Variants in MSH3 observed in about 807,000 individuals in gnomAD.
MSH3 encodes the protein mutS homolog 3.
Under a neutral mutation model 123.3 loss-of-function variants are expected in MSH3, and 106 were observed. The observed-to-expected ratio is 0.86, with a 90% CI of 0.73 to 1.01. The LOEUF is 1.01. Among genes scored for constraint, MSH3 ranks in the 50% least tolerant of loss-of-function variants. The pLI is 0.00. For synonymous variants in MSH3, 515 were observed against 481.4 expected (o/e 1.07, Z -0.91); for missense variants, 1,459 against 1,347.6 (o/e 1.08, Z -1.29).
intron 8 of MSH3, among the ~76,000 whole-genome samples, chr5:80,694,677 A>T (rs1750429360): frequency 6.6e-6 from 1 of 151,448 alleles, no homozygotes; most frequent in Admixed American, 6.6e-5. Flanking sequence ...AGAGTCTGTT[A>T]GTTTTTCATC....
chr5:80,854,347 AAATT>A, intron 21 of MSH3, 31 bp downstream of exon 21: 1 of 1,575,362 alleles, frequency 6.3e-7, no homozygotes, highest in Non-Finnish European at 8.7e-7. Context: ...ATTTAAAAAG[AAATT>A]AATTTGTAAA....
intron 19 of MSH3, among the ~76,000 whole-genome samples, chr5:80,804,490 G>A (rs1744848594): frequency 6.6e-6 from 1 of 152,222 alleles, no homozygotes; most frequent in Non-Finnish European, 1.5e-5. Context: ...CTGCATTAGG[G>A]GGCACCCCAA....
intron 16 of MSH3, among the ~76,000 whole-genome samples, chr5:80,776,037 A>G (rs1744293247): frequency 6.6e-6 from 1 of 151,842 alleles, no homozygotes; most frequent in Non-Finnish European, 1.5e-5. Context: ...CCACAGGAGT[A>G]CACTACAACC....
chr5:80,860,093 T>C (rs753135867), intron 21 of MSH3, among the ~76,000 whole-genome samples: 3 of 131,722 alleles, frequency 2.3e-5, no homozygotes, highest in African/African-American at 8.7e-5. Context: ...ATTTCACTTA[T>C]ACTTAAGTGT....
intron 18 of MSH3, among the ~76,000 whole-genome samples, chr5:80,792,404 C>G (rs1441269357): frequency 6.7e-6 from 1 of 149,938 alleles, no homozygotes; most frequent in African/African-American, 2.5e-5. Flanking sequence ...CACTGAGACC[C>G]TATCTCTTAA....
intron 8 of MSH3, among the ~76,000 whole-genome samples, chr5:80,693,485 A>G (rs1375777706): frequency 1.3e-5 from 2 of 148,716 alleles, no homozygotes; most frequent in Non-Finnish European, 3.0e-5. Context: ...GTTTATATAA[A>G]TATGCACATG....
At chr5:80,786,118 T>G (rs987838167) in intron 17 of MSH3, among the ~76,000 whole-genome samples, 1 of 152,046 alleles carries the variant, frequency 6.6e-6, no homozygotes, top group Admixed American at 6.6e-5. Context: ...ATTGTGCACA[T>G]GTACCCTAAA....
chr5:80,734,257 T>G (rs1257923706), intron 10 of MSH3, among the ~76,000 whole-genome samples: 1 of 152,178 alleles, frequency 6.6e-6, no homozygotes, highest in Non-Finnish European at 1.5e-5. Context: ...GGCAAATCCA[T>G]AGAGAGAAAG....
chr5:80,819,481 ATT>A (rs1268091436), intron 20 of MSH3, among the ~76,000 whole-genome samples: 2 of 118,244 alleles, frequency 1.7e-5, no homozygotes, highest in African/African-American at 2.9e-5. Context: ...TATATATATA[ATT>A]TTTTTTTTTT....
At chr5:80,825,554 G>A (rs1745278426) in intron 20 of MSH3, among the ~76,000 whole-genome samples, 1 of 147,394 alleles carries the variant, frequency 6.8e-6, no homozygotes, top group Admixed American at 6.9e-5. Context: ...TTTGTGACTT[G>A]TCTCATACTC....
chr5:80,763,802 T>G (rs1580029920), intron 13 of MSH3, among the ~76,000 whole-genome samples: 1 of 152,240 alleles, frequency 6.6e-6, no homozygotes, highest in East Asian at 1.9e-4. Context: ...ACAGGGTTTG[T>G]GTATTTATAA....
intron 20 of MSH3, among the ~76,000 whole-genome samples, chr5:80,852,731 G>C (rs147459220): frequency 1.8e-4 from 28 of 152,296 alleles, no homozygotes; most frequent in African/African-American, 6.3e-4. Context: ...CTAAGGCTCT[G>C]CCCATGTGTT....
At chr5:80,867,813 G>A (rs921528361) in intron 22 of MSH3, among the ~76,000 whole-genome samples, 8 of 152,054 alleles carry the variant, frequency 5.3e-5, no homozygotes, top group African/African-American at 1.7e-4. Context: ...TATAGATGGT[G>A]GATATTAGAC....
intron 19 of MSH3, 50 bp downstream of exon 19, chr5:80,792,894 T>C (rs757111459): frequency 1.7e-5 from 20 of 1,180,056 alleles, no homozygotes; most frequent in Middle Eastern, 2.0e-4. Flanking sequence ...CCCAAACTTT[T>C]ACATACCAAA....
At chr5:80,731,455 G>A (rs1002328833) in intron 10 of MSH3, among the ~76,000 whole-genome samples, 1 of 151,874 alleles carries the variant, frequency 6.6e-6, no homozygotes, top group Non-Finnish European at 1.5e-5. Flanking sequence ...GACATAAAGT[G>A]CTCTGCTTTG....
intron 21 of MSH3, among the ~76,000 whole-genome samples, chr5:80,860,378 A>G (rs1039957344): frequency 6.7e-6 from 1 of 148,246 alleles, no homozygotes; most frequent in African/African-American, 2.5e-5. Context: ...GAATGTCTTT[A>G]TTTCTCCTTC....
chr5:80,758,173 A>G (rs1743961795), intron 12 of MSH3, among the ~76,000 whole-genome samples: 3 of 152,152 alleles, frequency 2.0e-5, no homozygotes, highest in African/African-American at 7.2e-5. Flanking sequence ...TATAATTCCC[A>G]CTTGTTGTTC....
intron 21 of MSH3, among the ~76,000 whole-genome samples, chr5:80,856,147 A>G (rs1197576337): frequency 6.6e-6 from 1 of 152,030 alleles, no homozygotes; most frequent in Non-Finnish European, 1.5e-5. Flanking sequence ...GGCTTCCCAA[A>G]GTTCTGGGAT....
intron 12 of MSH3, among the ~76,000 whole-genome samples, chr5:80,749,962 G>T (rs1463916896): frequency 6.6e-6 from 1 of 151,848 alleles, no homozygotes; most frequent in Non-Finnish European, 1.5e-5. Flanking sequence ...AGATGATGTG[G>T]TATTTCTCTG....
Sources: allele counts gnomAD v4.1 joint callset (sites outside exome capture counted in the v4.1 genomes callset), GRCh38; gene constraint gnomAD v4.1.1; transcripts MANE v1.5; gene names NCBI Gene and HGNC (gene_info 2026-07-23, HGNC 2026-07-21).